The following UTRN variants were observed in gnomAD, a reference collection of about 807,000 sequenced individuals.
The protein encoded by UTRN is dystrophin-related protein 1.
In UTRN, 283 loss-of-function variants were observed where a neutral mutation model predicts 463.9. That is an observed-to-expected ratio of 0.61 (90% CI 0.55 to 0.67). UTRN has a LOEUF of 0.67. UTRN is among the 30% of genes least tolerant of loss of function. UTRN has a pLI of 0.00. For synonymous variants in UTRN, 1,442 were observed against 1,431.5 expected (o/e 1.01, Z -0.17); for missense variants, 3,922 against 4,084.3 (o/e 0.96, Z 1.08).
intron 3 of UTRN, among the ~76,000 whole-genome samples, chr6:144,403,986 T>C (rs1783157741): frequency 6.6e-6 from 1 of 152,102 alleles, no homozygotes; most frequent in African/African-American, 2.4e-5. Context: ...TAATGAAGAG[T>C]TGCTTTTCAA....
intron 51 of UTRN, among the ~76,000 whole-genome samples, chr6:144,633,694 G>A (rs1776795415): frequency 6.6e-6 from 1 of 151,904 alleles, no homozygotes; most frequent in Admixed American, 6.5e-5. Context: ...CCATTTAATG[G>A]GCTGCACTAC....
intron 58 of UTRN, among the ~76,000 whole-genome samples, chr6:144,765,240 AT>A (rs1793163071): frequency 6.6e-6 from 1 of 152,214 alleles, no homozygotes; most frequent in Admixed American, 6.5e-5. Flanking sequence ...CTACTACTTT[AT>A]TTAAAAACAA....
chr6:144,617,067 G>A (rs1394980561), intron 51 of UTRN, among the ~76,000 whole-genome samples: 5 of 152,074 alleles, frequency 3.3e-5, no homozygotes, highest in Non-Finnish European at 7.4e-5. Context: ...CTGTTATACT[G>A]TAGTTGGTTA....
At chr6:144,841,019 C>T (rs1300510575) in intron 73 of UTRN, among the ~76,000 whole-genome samples, 187 bp downstream of exon 73, 2 of 152,266 alleles carry the variant, frequency 1.3e-5, no homozygotes, top group East Asian at 1.9e-4. Context: ...TATCAAGTAA[C>T]GGGGGTACAG....
chr6:144,787,553 G>A (rs1383840938), intron 61 of UTRN, among the ~76,000 whole-genome samples: 1 of 152,006 alleles, frequency 6.6e-6, no homozygotes, highest in Admixed American at 6.6e-5. Flanking sequence ...CAATCCCTAA[G>A]CACGATTTCC....
At chr6:144,697,962 C>T (rs2037802) in intron 52 of UTRN, among the ~76,000 whole-genome samples, 7,254 of 152,164 alleles carry the variant, frequency 0.048, 569 homozygotes, top group African/African-American at 0.16. Context: ...ATCAAATCAT[C>T]TGAAATAAAA....
intron 53 of UTRN, among the ~76,000 whole-genome samples, chr6:144,712,072 G>T (rs1315590342): frequency 6.6e-6 from 1 of 152,096 alleles, no homozygotes; most frequent in Non-Finnish European, 1.5e-5. Flanking sequence ...AGGTCTTGTT[G>T]TGTTAGAAGG....
At chr6:144,795,884 G>A (rs1478673525) in intron 63 of UTRN, among the ~76,000 whole-genome samples, 1 of 151,818 alleles carries the variant, frequency 6.6e-6, no homozygotes, top group East Asian at 1.9e-4. Flanking sequence ...TTTTTTGTTT[G>A]TTTGTTTGCT....
Position 144,533,174 on chromosome 6 carries a change from A to G in UTRN, c.6147A>G (p.Ala2049=), listed in dbSNP as rs1047024110. 1 of 1,614,090 alleles carries G rather than the reference A, an allele frequency of 6.2e-7. No homozygotes were observed. The highest frequency in any genetic ancestry group is 2.2e-5 in the East Asian group (1 of 44,896). ...GDGIVQKLSQ[A]DGSFLKEKLA... ...GGATTGTGCAGAAACTCTCCCAGGC[A>G]GATGGAAGCTTCTTGAAAGAAAAAC... Residue 2049 remains alanine, a synonymous_variant, in exon 43 of 75, where the codon GCA becomes GCG. Coordinates refer to ENST00000367545, the MANE Select transcript of UTRN (RefSeq NM_007124.3).
At chr6:144,648,631 G>A (rs770950821) in intron 51 of UTRN, among the ~76,000 whole-genome samples, 8 of 152,184 alleles carry the variant, frequency 5.3e-5, no homozygotes, top group Admixed American at 2.6e-4. Context: ...CAATTTATGA[G>A]TTAAGATGAG....
At chr6:144,771,451 T>C (rs985220287) in intron 58 of UTRN, among the ~76,000 whole-genome samples, 4 of 151,924 alleles carry the variant, frequency 2.6e-5, no homozygotes, top group African/African-American at 9.7e-5. Context: ...TTTGAGACAG[T>C]GTCTCACTCT....
At chr6:144,472,598 A>C (rs117857383) in intron 23 of UTRN, among the ~76,000 whole-genome samples, 177 of 152,216 alleles carry the variant, frequency 1.2e-3, no homozygotes, top group Non-Finnish European at 1.9e-3. Context: ...CGTGTTGATC[A>C]GAGTAGTGAG....
At chr6:144,747,828 T>G (rs1001380810) in intron 54 of UTRN, among the ~76,000 whole-genome samples, 24 of 152,246 alleles carry the variant, frequency 1.6e-4, no homozygotes, top group African/African-American at 5.3e-4. Flanking sequence ...TTTTTGCTTA[T>G]AATTTATAGT....
At chr6:144,586,431 C>T (rs1269278824) in intron 51 of UTRN, among the ~76,000 whole-genome samples, 1 of 152,150 alleles carries the variant, frequency 6.6e-6, no homozygotes, top group African/African-American at 2.4e-5. Flanking sequence ...TCACCCTACA[C>T]TGGATGCTAA....
chr6:144,493,090 T>G (rs774426762), intron 32 of UTRN, among the ~76,000 whole-genome samples: 1 of 152,238 alleles, frequency 6.6e-6, no homozygotes, highest in Non-Finnish European at 1.5e-5. Flanking sequence ...TAAACTCTAT[T>G]AGTTTATTTT....
At chr6:144,740,723 C>T (rs1789962544) in intron 54 of UTRN, among the ~76,000 whole-genome samples, 1 of 152,072 alleles carries the variant, frequency 6.6e-6, no homozygotes, top group Admixed American at 6.6e-5. Flanking sequence ...CTGAGTAAGC[C>T]CATCGATTGG....
chr6:144,647,283 A>G (rs1778397668), intron 51 of UTRN, among the ~76,000 whole-genome samples: 1 of 152,178 alleles, frequency 6.6e-6, no homozygotes, highest in African/African-American at 2.4e-5. Context: ...GAATCTGCTC[A>G]TACTTGTTCT....
intron 51 of UTRN, among the ~76,000 whole-genome samples, chr6:144,581,729 A>C (rs6917268): frequency 1.3e-4 from 20 of 152,070 alleles, no homozygotes; most frequent in Non-Finnish European, 2.4e-4. Flanking sequence ...CATTCATTTA[A>C]ATTTTACAAT....
At position 144,835,929 on chromosome 6, in the gene UTRN, A is replaced by C. The variant is rs1781064363; in HGVS notation, c.9815A>C (p.Glu3272Ala). The change falls in exon 70 of 75, where the codon GAA (glutamate) becomes GCA (alanine). Residue 3272 changes from glutamate (E) to alanine (A), a missense_variant. Physicochemically the swap from Glu to Ala is moderately radical, Grantham distance 107 (BLOSUM62 -1). This residue lies in a region of UTRN where 1,309 missense variants were observed against 1,452.6 expected (regional missense o/e 0.90). Coordinates refer to ENST00000367545, the MANE Select transcript of UTRN (RefSeq NM_007124.3). ...GAGAGGATCATTGCTGACCTGGAGG[A>C]AGAACAAAGGTGTGCTAGGCCTGGG... The part of the protein sequence containing the change: ...ELERIIADLE[E>A]EQRNLQVEYE... 6.2e-7 allele frequency: 1 copy of C among 1,614,034 alleles called. No homozygotes were observed. The highest frequency in any genetic ancestry group is 1.3e-5 in the African/African-American group (1 of 75,058).
Sources: gnomAD v4.1 joint callset for allele counts (sites outside exome capture counted in the v4.1 genomes callset) on GRCh38, gnomAD v4.1.1 for gene constraint, gnomAD v4.1.1 regional missense constraint, MANE v1.5 for transcripts, NCBI Gene and HGNC (gene_info 2026-07-23, HGNC 2026-07-21) for gene names.